Variants in CEP112 observed in about 807,000 individuals in gnomAD.
The protein encoded by CEP112 is centrosomal protein of 112 kDa.
Under a neutral mutation model 153.0 loss-of-function variants are expected in CEP112, and 127 were observed. The ratio of observed to expected loss-of-function variants is 0.83; its 90% CI spans 0.72 to 0.96. The LOEUF (loss-of-function observed/expected upper bound fraction) is 0.96. CEP112 is among the 40% of genes least tolerant of loss of function. CEP112 has a pLI of 0.00. For synonymous variants in CEP112, 358 were observed against 374.4 expected (o/e 0.96, Z 0.51); for missense variants, 1,089 against 1,101.2 (o/e 0.99, Z 0.16).
At chr17:65,982,908 T>C (rs1401042274) in intron 17 of CEP112, among the ~76,000 whole-genome samples, 1 of 152,220 alleles carries the variant, frequency 6.6e-6, no homozygotes, top group Admixed American at 6.5e-5. Context: ...CAATATTTGC[T>C]GCACTGTAGA....
At chr17:65,956,864 C>T (rs2062020949) in intron 18 of CEP112, among the ~76,000 whole-genome samples, 1 of 151,970 alleles carries the variant, frequency 6.6e-6, no homozygotes, top group South Asian at 2.1e-4. Flanking sequence ...TACAGTAGTC[C>T]CTCCTTATAT....
At chr17:66,039,781 C>G (rs1016012730) in intron 12 of CEP112, among the ~76,000 whole-genome samples, 2 of 152,154 alleles carry the variant, frequency 1.3e-5, no homozygotes, top group African/African-American at 2.4e-5. Context: ...TGACCTCTAT[C>G]AGTACAAATA....
intron 17 of CEP112, among the ~76,000 whole-genome samples, chr17:65,992,620 A>G (rs2063634793): frequency 1.3e-5 from 2 of 152,190 alleles, no homozygotes; most frequent in Non-Finnish European, 2.9e-5. Context: ...CTTTATGTTT[A>G]CTATTCAAGT....
chr17:66,057,573 T>C (rs9893940), intron 11 of CEP112, among the ~76,000 whole-genome samples: 8,137 of 152,208 alleles, frequency 0.053, 289 homozygotes, highest in African/African-American at 0.087. Context: ...ATAGGATGCA[T>C]ATTTCTATTA....
intron 19 of CEP112, among the ~76,000 whole-genome samples, chr17:65,914,434 C>A (rs1304617097): frequency 6.6e-6 from 1 of 151,864 alleles, no homozygotes; most frequent in Non-Finnish European, 1.5e-5. Flanking sequence ...TACCACAATG[C>A]TTCGTAAATT....
In CEP112 at chr17:65,944,885, T is replaced by G. The variant is rs151201187; in HGVS notation, c.1872+16578A>C. The stretch of plus-strand genomic sequence containing the variant: ...GAGTCACCACGCCTGGCCAAAACAC[T>G]TTCTTACATATTAAAATAATAAATT... On this transcript the variant is annotated intron_variant, in intron 18 of 26. Transcript: ENST00000535342. Among the ~76,000 whole-genome samples, 129 of 152,294 alleles carry G rather than the reference T, an allele frequency of 8.5e-4. 1 individual carries two copies. Among genetic ancestry groups the G allele is most frequent in the African/African-American group, 3.0e-3 (123 of 41,552 alleles).
intron 21 of CEP112, among the ~76,000 whole-genome samples, chr17:65,849,944 A>C (rs2057866666): frequency 6.6e-6 from 1 of 152,122 alleles, no homozygotes; most frequent in Non-Finnish European, 1.5e-5. Flanking sequence ...GTCCGAAGTC[A>C]GGAGTTTGAG....
At chr17:66,054,984 C>T (rs943289295) in intron 11 of CEP112, among the ~76,000 whole-genome samples, 1 of 152,122 alleles carries the variant, frequency 6.6e-6, no homozygotes, top group Non-Finnish European at 1.5e-5. Context: ...TCTCGAACTC[C>T]TACCCTCAAG....
chr17:66,104,116 G>A (rs1433507212), intron 6 of CEP112, among the ~76,000 whole-genome samples: 1 of 152,194 alleles, frequency 6.6e-6, no homozygotes, highest in Non-Finnish European at 1.5e-5. Context: ...AAGCCAGTGG[G>A]CTTGGGGGTG....
At chr17:66,013,975 C>A (rs938177989) in intron 16 of CEP112, among the ~76,000 whole-genome samples, 5 of 152,194 alleles carry the variant, frequency 3.3e-5, no homozygotes, top group African/African-American at 1.2e-4. Flanking sequence ...GGGCCACTGG[C>A]CTTCCTGAGT....
At chr17:65,933,336 A>G (rs2061190584) in intron 18 of CEP112, among the ~76,000 whole-genome samples, 1 of 152,230 alleles carries the variant, frequency 6.6e-6, no homozygotes, top group Admixed American at 6.5e-5. Context: ...CAGAAGATTC[A>G]GAGGTTACAA....
At chr17:65,939,699 T>C (rs2144450653) in intron 18 of CEP112, among the ~76,000 whole-genome samples, 1 of 151,930 alleles carries the variant, frequency 6.6e-6, no homozygotes, top group Non-Finnish European at 1.5e-5. Context: ...CAGAAAAAAA[T>C]GAAATTGGGT....
intron 19 of CEP112, among the ~76,000 whole-genome samples, chr17:65,917,701 T>C: frequency 6.6e-6 from 1 of 152,030 alleles, no homozygotes; most frequent in Non-Finnish European, 1.5e-5. Flanking sequence ...TTCCCTTCTT[T>C]TCTCACGAGG....
intron 16 of CEP112, among the ~76,000 whole-genome samples, chr17:66,010,723 G>C (rs966639795): frequency 7.2e-5 from 11 of 152,220 alleles, no homozygotes; most frequent in African/African-American, 2.6e-4. Flanking sequence ...GATCCTGTGG[G>C]TTTTGTCTTT....
chr17:66,150,490 C>A (rs1305996017), intron 4 of CEP112, among the ~76,000 whole-genome samples: 1 of 152,214 alleles, frequency 6.6e-6, no homozygotes, highest in Non-Finnish European at 1.5e-5. Context: ...CTCATCCTCC[C>A]AAACTGCTGG....
chr17:65,650,750 A>AAAT (rs2045717871), intron 24 of CEP112, among the ~76,000 whole-genome samples: 1 of 150,626 alleles, frequency 6.6e-6, no homozygotes, highest in African/African-American at 2.4e-5. Flanking sequence ...AAAAAAAAAA[A>AAAT]AAAAAAATTA....
intron 16 of CEP112, among the ~76,000 whole-genome samples, chr17:66,017,684 T>C (rs2064828732): frequency 6.6e-6 from 1 of 152,056 alleles, no homozygotes; most frequent in Non-Finnish European, 1.5e-5. Flanking sequence ...AACAGATCAA[T>C]ACTTTTGGTG....
intron 23 of CEP112, among the ~76,000 whole-genome samples, chr17:65,696,514 G>A (rs2048363981): frequency 6.6e-6 from 1 of 152,188 alleles, no homozygotes; most frequent in Non-Finnish European, 1.5e-5. Flanking sequence ...GGTCGGTAGA[G>A]TTGTGGATTT....
chr17:65,900,870 G>A (rs1169377961), intron 20 of CEP112, among the ~76,000 whole-genome samples: 2 of 152,038 alleles, frequency 1.3e-5, no homozygotes, highest in African/African-American at 4.8e-5. Flanking sequence ...TCGTACCATG[G>A]GCACTACAAT....
Sources: gnomAD v4.1 joint callset for allele counts (sites outside exome capture counted in the v4.1 genomes callset) on GRCh38, gnomAD v4.1.1 for gene constraint, MANE v1.5 for transcripts, NCBI Gene and HGNC (gene_info 2026-07-23, HGNC 2026-07-21) for gene names.